Variants in SNTG1 observed in about 807,000 individuals in gnomAD.
The protein encoded by SNTG1 is gamma-1-syntrophin.
In SNTG1, 39 loss-of-function variants were observed where a neutral mutation model predicts 74.7. The ratio of observed to expected loss-of-function variants is 0.52; its 90% CI spans 0.40 to 0.68. SNTG1 has a LOEUF of 0.68. SNTG1 is among the 30% of genes least tolerant of loss of function. The probability of loss-of-function intolerance (pLI) is 0.00; values close to 1 mark genes in which losing one functional copy is unlikely to be tolerated. For missense variants in SNTG1, 685 were observed against 609.5 expected, an observed-to-expected ratio of 1.12 and a Z score of -1.30; for synonymous variants, 254 against 217.1, an observed-to-expected ratio of 1.17 and a Z score of -1.49.
chr8:50,238,095 A>G (rs1463129600), intron 2 of SNTG1, among the ~76,000 whole-genome samples: 2 of 152,154 alleles, frequency 1.3e-5, no homozygotes, highest in African/African-American at 4.8e-5. Flanking sequence ...ATTCAATGCT[A>G]TTCCTATCAC....
At chr8:50,401,518 T>G (rs1003979805) in intron 3 of SNTG1, among the ~76,000 whole-genome samples, 5 of 152,148 alleles carry the variant, frequency 3.3e-5, no homozygotes, top group African/African-American at 1.2e-4. Context: ...TAGGCTCCAA[T>G]TTTAATTAAC....
chr8:50,657,550 C>A (rs886814160), intron 14 of SNTG1, among the ~76,000 whole-genome samples: 4 of 152,020 alleles, frequency 2.6e-5, no homozygotes, highest in Non-Finnish European at 5.9e-5. Flanking sequence ...AAGGAAATTT[C>A]AAAATGATAG....
At chr8:50,216,922 C>T (rs1027203710) in intron 2 of SNTG1, among the ~76,000 whole-genome samples, 2 of 151,630 alleles carry the variant, frequency 1.3e-5, no homozygotes, top group African/African-American at 4.8e-5. Flanking sequence ...GTCAACATAC[C>T]AGATAGTATC....
chr8:50,460,990 C>T (rs1393864755), intron 8 of SNTG1, among the ~76,000 whole-genome samples: 1 of 151,978 alleles, frequency 6.6e-6, no homozygotes, highest in Non-Finnish European at 1.5e-5. Flanking sequence ...TTAGTTTTTA[C>T]CTAATGGCTT....
intron 1 of SNTG1, among the ~76,000 whole-genome samples, chr8:49,921,453 A>T (rs1028498842): frequency 7.9e-5 from 12 of 152,132 alleles, no homozygotes; most frequent in Admixed American, 7.9e-4. Flanking sequence ...GATCCTCAAG[A>T]TCAAATCAAG....
intron 1 of SNTG1, among the ~76,000 whole-genome samples, chr8:50,010,536 GA>G (rs577593100): frequency 1.3e-5 from 2 of 151,726 alleles, no homozygotes; most frequent in Non-Finnish European, 2.9e-5. Flanking sequence ...ACATATGGAT[GA>G]AAAAAAATCA....
At chr8:50,678,165 AT>A (rs60870230) in intron 15 of SNTG1, among the ~76,000 whole-genome samples, 4,358 of 148,882 alleles carry the variant, frequency 0.029, 186 homozygotes, top group African/African-American at 0.097. Context: ...TATTTGTGCT[AT>A]TTTTTTTTTA....
At chr8:50,505,994 T>C (rs561843316) in intron 9 of SNTG1, among the ~76,000 whole-genome samples, 290 of 152,164 alleles carry the variant, frequency 1.9e-3, no homozygotes, top group African/African-American at 6.7e-3. Context: ...ATCTAATGTT[T>C]AGGTATTTGA....
intron 2 of SNTG1, among the ~76,000 whole-genome samples, chr8:50,215,374 A>C (rs2084731565): frequency 6.7e-6 from 1 of 148,214 alleles, no homozygotes; most frequent in African/African-American, 2.5e-5. Context: ...AGAAATGTGT[A>C]TATAAATATA....
chr8:50,410,126 G>A (rs1019424777), intron 4 of SNTG1, among the ~76,000 whole-genome samples: 1 of 152,150 alleles, frequency 6.6e-6, no homozygotes, highest in Non-Finnish European at 1.5e-5. Context: ...CTTTCACATG[G>A]GTGTGACATG....
intron 2 of SNTG1, among the ~76,000 whole-genome samples, chr8:50,198,685 G>A (rs1195180306): frequency 6.6e-6 from 1 of 152,140 alleles, no homozygotes; most frequent in Non-Finnish European, 1.5e-5. Flanking sequence ...TTGATGCCTT[G>A]TAGAATTTTT....
chr8:50,674,993 C>A (rs544589474), intron 15 of SNTG1, among the ~76,000 whole-genome samples: 68 of 152,140 alleles, frequency 4.5e-4, no homozygotes, highest in African/African-American at 1.6e-3. Context: ...GTTTCTTAAT[C>A]CTGAGTTCTA....
intron 13 of SNTG1, among the ~76,000 whole-genome samples, chr8:50,628,690 C>A (rs2094974430): frequency 6.6e-6 from 1 of 152,072 alleles, no homozygotes; most frequent in African/African-American, 2.4e-5. Flanking sequence ...AGCTATATTT[C>A]TTTTCCTTTT....
intron 2 of SNTG1, among the ~76,000 whole-genome samples, chr8:50,175,140 C>T (rs2082950047): frequency 2.0e-5 from 3 of 152,162 alleles, no homozygotes; most frequent in Admixed American, 6.5e-5. Flanking sequence ...GGTTCCAAGT[C>T]GTTGCTATCG....
At chr8:50,450,818 G>T (rs2093449773) in intron 8 of SNTG1, 89 bp downstream of exon 8, 1 of 1,286,486 alleles carries the variant, frequency 7.8e-7, no homozygotes. Flanking sequence ...TCATTCATTA[G>T]GCAGATATGA....
At chr8:50,598,927 T>C (rs112909381) in intron 13 of SNTG1, among the ~76,000 whole-genome samples, 2 of 152,150 alleles carry the variant, frequency 1.3e-5, no homozygotes, top group African/African-American at 4.8e-5. Context: ...ATTCTGCAAA[T>C]TTACTAAAGT....
At chr8:49,917,119 G>T (rs1001680409) in intron 1 of SNTG1, among the ~76,000 whole-genome samples, 1 of 152,096 alleles carries the variant, frequency 6.6e-6, no homozygotes, top group Admixed American at 6.5e-5. Context: ...GATGAGAAAA[G>T]AGTATTTTAT....
chr8:50,015,127 T>C (rs1816194772), intron 1 of SNTG1, among the ~76,000 whole-genome samples: 1 of 151,700 alleles, frequency 6.6e-6, no homozygotes, highest in South Asian at 2.1e-4. Context: ...GAAACCATGT[T>C]GAAATAATTA....
intron 4 of SNTG1, among the ~76,000 whole-genome samples, chr8:50,417,492 T>C (rs549546292): frequency 2.0e-4 from 30 of 152,294 alleles, no homozygotes; most frequent in African/African-American, 7.0e-4. Flanking sequence ...CTTGCTTCTC[T>C]TTTTTCTTCT....
Sources: allele counts gnomAD v4.1 joint callset (sites outside exome capture counted in the v4.1 genomes callset), GRCh38; gene constraint gnomAD v4.1.1; transcripts MANE v1.5; gene names NCBI Gene and HGNC (gene_info 2026-07-23, HGNC 2026-07-21).